SMIM7: variants seen among roughly 807,000 people sequenced by gnomAD.
SMIM7 encodes UPF0608 protein C19orf42.
Under a neutral mutation model 13.3 loss-of-function variants are expected in SMIM7, and 12 were observed. The ratio of observed to expected loss-of-function variants is 0.90; its 90% CI spans 0.58 to 1.46. The LOEUF (loss-of-function observed/expected upper bound fraction) is 1.46. Among genes scored for constraint, SMIM7 ranks in the 40% most tolerant of loss-of-function variants. The probability of loss-of-function intolerance (pLI) is 0.00; values close to 1 mark genes in which losing one functional copy is unlikely to be tolerated. For missense variants in SMIM7, 114 were observed against 94.8 expected, an observed-to-expected ratio of 1.20 and a Z score of -0.84; for synonymous variants, 36 against 35.8, an observed-to-expected ratio of 1.01 and a Z score of -0.02.
intron 4 of SMIM7, among the ~76,000 whole-genome samples, chr19:16,638,591 A>G (rs1243127140): frequency 1.3e-5 from 2 of 152,030 alleles, no homozygotes; most frequent in Admixed American, 6.6e-5. Context: ...TACAGGCATG[A>G]GCCACCGTGC....
chr19:16,649,517 G>C (rs974301622), intron 4 of SMIM7, among the ~76,000 whole-genome samples: 4 of 152,114 alleles, frequency 2.6e-5, no homozygotes, highest in African/African-American at 7.2e-5. Context: ...AGGTTGCAGT[G>C]AGCTGAGAAC....
chr19:16,655,201 C>T (rs1215973015), intron 3 of SMIM7: 1 of 387,820 alleles, frequency 2.6e-6, no homozygotes, highest in South Asian at 1.8e-5. Flanking sequence ...CTAATTCAGG[C>T]AAGTGAAAGG....
At chr19:16,659,913 T>C (rs1051096904) in intron 2 of SMIM7, 46 bp downstream of exon 2, 15 of 1,581,770 alleles carry the variant, frequency 9.5e-6, no homozygotes, top group Admixed American at 1.8e-5. Context: ...AGGGCGGGGC[T>C]ACGGGTTCCC....
At chr19:16,653,099 G>T in intron 4 of SMIM7, 2 of 1,025,574 alleles carry the variant, frequency 2.0e-6, no homozygotes, top group Non-Finnish European at 2.8e-6. Flanking sequence ...AGATGCAGAA[G>T]AACTGGTGAG....
chr19:16,649,595 G>A (rs145028811), intron 4 of SMIM7, among the ~76,000 whole-genome samples: 2 of 152,078 alleles, frequency 1.3e-5, no homozygotes, highest in Middle Eastern at 3.4e-3. Context: ...AATTATAAAC[G>A]TAGTGTGATC....
Position 16,635,564 on chromosome 19 carries a change from G to A in SMIM7, c.*138-3840C>T, listed in dbSNP as rs763033167. Among the ~76,000 whole-genome samples, 3 of 152,162 alleles carry A rather than the reference G, an allele frequency of 2.0e-5. No individual in the cohort carries two copies. The East Asian group carries it at 5.8e-4, about 30-fold the overall frequency. On this transcript the variant is annotated intron_variant and NMD_transcript_variant, in intron 4 of 4. Coordinates refer to the SMIM7 transcript ENST00000465250. ...AGCTTCCCAGAAACAAAGGTGCAGA[G>A]TTGTGCCCCAACACAGAAGGCAACA... is the stretch of plus-strand genomic sequence containing the variant.
chr19:16,650,238 C>T (rs1191729216), intron 4 of SMIM7, among the ~76,000 whole-genome samples: 1 of 152,200 alleles, frequency 6.6e-6, no homozygotes, highest in Non-Finnish European at 1.5e-5. Flanking sequence ...CTGCAATTAA[C>T]ACTTTGCTGT....
At chr19:16,652,550 T>C in intron 4 of SMIM7, 1 of 1,104,134 alleles carries the variant, frequency 9.1e-7, no homozygotes, top group Non-Finnish European at 1.1e-6. Flanking sequence ...AAGCCTTCTT[T>C]GTTCCTAGGC....
intron 4 of SMIM7, among the ~76,000 whole-genome samples, chr19:16,636,708 T>C (rs1366012348): frequency 6.6e-6 from 1 of 152,198 alleles, no homozygotes; most frequent in Non-Finnish European, 1.5e-5. Flanking sequence ...TCCTGGCACT[T>C]TGGGAGGCTG....
downstream of SMIM7, among the ~76,000 whole-genome samples, chr19:16,642,016 T>G (rs1169931220): frequency 6.6e-6 from 1 of 152,218 alleles, no homozygotes; most frequent in Non-Finnish European, 1.5e-5. Context: ...TCTCCTTCAA[T>G]GTGCAATGGT....
At chr19:16,658,631 T>G (rs1425141215) in intron 3 of SMIM7, among the ~76,000 whole-genome samples, 1 of 152,200 alleles carries the variant, frequency 6.6e-6, no homozygotes, top group African/African-American at 2.4e-5. Flanking sequence ...TCTTAATTTT[T>G]ATATAAAATC....
chr19:16,645,337 G>A (rs2086439116), downstream of SMIM7: 1 of 152,326 alleles, frequency 6.6e-6, no homozygotes, highest in East Asian at 1.9e-4. Context: ...GCGCCAGTCT[G>A]AATAAGGCAG....
chr19:16,653,049 G>A, intron 4 of SMIM7: 1 of 1,433,190 alleles, frequency 7.0e-7, no homozygotes, highest in Non-Finnish European at 9.5e-7. Context: ...GCAGGATCTG[G>A]CAGTGTGCTG....
intron 4 of SMIM7, chr19:16,652,522 G>C: frequency 1.9e-6 from 2 of 1,038,908 alleles, no homozygotes; most frequent in Non-Finnish European, 2.3e-6. Context: ...TTTCATGTAA[G>C]TTCCTTGATC....
chr19:16,659,787 C>CGGGGGGT, intron 2 of SMIM7, 172 bp downstream of exon 2: 1 of 828,130 alleles, frequency 1.2e-6, no homozygotes, highest in Non-Finnish European at 1.9e-6. Flanking sequence ...TAAGGTCTCT[C>CGGGGGGT]GGGGGGTGGG....
At chr19:16,659,849 G>T in intron 2 of SMIM7, 110 bp downstream of exon 2, 1 of 1,424,744 alleles carries the variant, frequency 7.0e-7, no homozygotes, top group Non-Finnish European at 9.6e-7. Flanking sequence ...CGGATAGGGC[G>T]GGGCCTGCGG....
At chr19:16,659,351 C>T (rs748852749) in intron 3 of SMIM7, 44 bp downstream of exon 3, 43 of 1,569,730 alleles carry the variant, frequency 2.7e-5, no homozygotes, top group East Asian at 4.5e-5. Context: ...CAGAACTGTC[C>T]TCTGAAGTGG....
intron 3 of SMIM7, among the ~76,000 whole-genome samples, chr19:16,656,880 CAG>C (rs1368440387): frequency 4.6e-5 from 7 of 151,312 alleles, no homozygotes; most frequent in African/African-American, 1.5e-4. Flanking sequence ...GCCTGGGCAA[CAG>C]AGAGAGGCTC....
chr19:16,642,224 T>C (rs77293723), downstream of SMIM7, among the ~76,000 whole-genome samples: 658 of 152,282 alleles, frequency 4.3e-3, 2 homozygotes, highest in Middle Eastern at 0.014. Flanking sequence ...GTTAAATTAA[T>C]CATGGTATGT....
Sources: allele counts gnomAD v4.1 joint callset (sites outside exome capture counted in the v4.1 genomes callset), GRCh38; gene constraint gnomAD v4.1.1; transcripts MANE v1.5; gene names NCBI Gene and HGNC (gene_info 2026-07-23, HGNC 2026-07-21).